CDK19: variants seen among roughly 807,000 people sequenced by gnomAD.
The protein encoded by CDK19 is cyclin dependent kinase 19.
A neutral mutation model predicts 68.3 loss-of-function variants in CDK19; 20 were observed. That is an observed-to-expected ratio of 0.29 (90% CI 0.21 to 0.43). CDK19 has a LOEUF of 0.43. Ranked by LOEUF, CDK19 falls within the 20% of genes least tolerant of loss-of-function variation. The pLI, the probability that CDK19 is intolerant of heterozygous loss-of-function variation, is 1.00. For missense variants in CDK19, 339 were observed against 623.5 expected (o/e 0.54, Z 4.86); for synonymous variants, 221 against 222.8 (o/e 0.99, Z 0.07).
chr6:110,748,071 A>C (rs1778202142), intron 1 of CDK19, among the ~76,000 whole-genome samples: 1 of 152,244 alleles, frequency 6.6e-6, no homozygotes, highest in Non-Finnish European at 1.5e-5. Context: ...AGCTTTCTAA[A>C]AAATTTTTCA....
At chr6:110,728,805 C>T (rs2114784317) in intron 2 of CDK19, among the ~76,000 whole-genome samples, 1 of 152,284 alleles carries the variant, frequency 6.6e-6, no homozygotes, top group Non-Finnish European at 1.5e-5. Context: ...TGAGCTCCCA[C>T]TCATCCTTCA....
intron 1 of CDK19, among the ~76,000 whole-genome samples, chr6:110,758,409 T>C (rs971249063): frequency 6.6e-6 from 1 of 152,158 alleles, no homozygotes; most frequent in Non-Finnish European, 1.5e-5. Flanking sequence ...CTTTGTTCAA[T>C]ACTCTCTCAA....
At chr6:110,670,603 G>T in intron 2 of CDK19, 62 bp from the exon 3 acceptor site, 1 of 981,462 alleles carries the variant, frequency 1.0e-6, no homozygotes, top group Non-Finnish European at 1.6e-6. Context: ...AATGATGAAT[G>T]TCTTATAACT....
chr6:110,623,424 G>A, intron 8 of CDK19, 62 bp from the exon 9 acceptor site: 2 of 1,579,016 alleles, frequency 1.3e-6, no homozygotes, highest in Non-Finnish European at 1.7e-6. Context: ...ATTTCTTAAT[G>A]ATAAGCTCCA....
chr6:110,721,035 T>C (rs1288144495), intron 2 of CDK19, among the ~76,000 whole-genome samples: 2 of 151,972 alleles, frequency 1.3e-5, no homozygotes, highest in South Asian at 2.1e-4. Flanking sequence ...GTCAGCAGTT[T>C]GACACCAGCC....
At chr6:110,688,057 A>C (rs1207555153) in intron 2 of CDK19, among the ~76,000 whole-genome samples, 4 of 152,156 alleles carry the variant, frequency 2.6e-5, no homozygotes, top group African/African-American at 9.7e-5. Flanking sequence ...ACTTCAAACA[A>C]ACACCCACAA....
At chr6:110,701,607 G>T (rs759827346) in intron 2 of CDK19, among the ~76,000 whole-genome samples, 5 of 151,256 alleles carry the variant, frequency 3.3e-5, no homozygotes, top group Admixed American at 6.6e-5. Flanking sequence ...CAGAGAATAC[G>T]AACAGACATT....
chr6:110,701,136 G>A (rs1373052699), intron 2 of CDK19, among the ~76,000 whole-genome samples: 9 of 151,984 alleles, frequency 5.9e-5, no homozygotes, highest in East Asian at 1.9e-4. Flanking sequence ...CCTGAGAGGC[G>A]GAGGTTGCAG....
chr6:110,641,125 T>C (rs1487742420), intron 4 of CDK19, among the ~76,000 whole-genome samples: 4 of 151,850 alleles, frequency 2.6e-5, no homozygotes, highest in African/African-American at 9.7e-5. Context: ...AAAAGATTGG[T>C]TCACCATATG....
intron 1 of CDK19, among the ~76,000 whole-genome samples, chr6:110,782,700 T>C (rs1780907619): frequency 6.6e-6 from 1 of 152,182 alleles, no homozygotes; most frequent in Non-Finnish European, 1.5e-5. Flanking sequence ...ACTATTTCCA[T>C]TTTGGGAACT....
intron 5 of CDK19, among the ~76,000 whole-genome samples, chr6:110,637,785 G>C (rs189931553): frequency 2.7e-4 from 41 of 152,290 alleles, no homozygotes; most frequent in Non-Finnish European, 5.6e-4. Context: ...TTCGAGACCA[G>C]CCTGGCCAAC....
chr6:110,685,327 A>C (rs2114542694), intron 2 of CDK19, among the ~76,000 whole-genome samples: 1 of 152,312 alleles, frequency 6.6e-6, no homozygotes, highest in Non-Finnish European at 1.5e-5. Context: ...TTGCCTGATA[A>C]ATGCCTACTT....
intron 2 of CDK19, among the ~76,000 whole-genome samples, chr6:110,671,993 G>T (rs552655611): frequency 6.6e-6 from 1 of 152,256 alleles, no homozygotes; most frequent in South Asian, 2.1e-4. Flanking sequence ...GGCCAGGCTG[G>T]TCTCAAACTG....
chr6:110,814,163 G>T (rs1783361113), intron 1 of CDK19: 1 of 186,086 alleles, frequency 5.4e-6, no homozygotes. Flanking sequence ...CTGTCACTTC[G>T]TATTCCGTTC....
At chr6:110,814,457 C>T (rs1323807319) in intron 1 of CDK19, 5 of 363,776 alleles carry the variant, frequency 1.4e-5, no homozygotes, top group Non-Finnish European at 2.1e-5. Flanking sequence ...CCGGCCAGCC[C>T]GAAGGGCGGA....
intron 1 of CDK19, among the ~76,000 whole-genome samples, chr6:110,765,143 C>T (rs1779487726): frequency 6.6e-6 from 1 of 151,684 alleles, no homozygotes; most frequent in South Asian, 2.1e-4. Flanking sequence ...AAGAGCCAGG[C>T]ATGGTGGCTC....
intron 2 of CDK19, among the ~76,000 whole-genome samples, chr6:110,723,163 C>A (rs1449878764): frequency 1.2e-3 from 107 of 91,742 alleles, no homozygotes; most frequent in African/African-American, 1.7e-3. Flanking sequence ...AAAAAAAAAA[C>A]GCAGATTTGT....
At chr6:110,792,756 T>G (rs908280215) in intron 1 of CDK19, among the ~76,000 whole-genome samples, 31 of 152,232 alleles carry the variant, frequency 2.0e-4, no homozygotes, top group African/African-American at 7.5e-4. Context: ...CTAACCAGAT[T>G]AATCCTCACT....
intron 1 of CDK19, among the ~76,000 whole-genome samples, chr6:110,788,109 G>A (rs1455737271): frequency 6.6e-6 from 1 of 151,884 alleles, no homozygotes; most frequent in Middle Eastern, 3.2e-3. Context: ...CAAATTGCTG[G>A]GATTACAGGT....
Sources: allele counts gnomAD v4.1 joint callset (sites outside exome capture counted in the v4.1 genomes callset), GRCh38; gene constraint gnomAD v4.1.1; transcripts MANE v1.5; gene names NCBI Gene and HGNC (gene_info 2026-07-23, HGNC 2026-07-21).